ROBO1: variants seen among roughly 807,000 people sequenced by gnomAD.
ROBO1 encodes roundabout guidance receptor 1, also known as roundabout homolog 1.
ROBO1 carries 149 observed loss-of-function variants against 195.9 expected under a neutral mutation model. The ratio of observed to expected loss-of-function variants is 0.76; its 90% CI spans 0.67 to 0.87. The LOEUF (loss-of-function observed/expected upper bound fraction) is 0.87, where lower values mean the gene tolerates loss of function less well. Ranked by LOEUF, ROBO1 falls within the 40% of genes least tolerant of loss-of-function variation. ROBO1 has a pLI of 0.00. For synonymous variants in ROBO1, 816 were observed against 733.2 expected (o/e 1.11, Z -1.82); for missense variants, 1,933 against 2,068.3 (o/e 0.93, Z 1.27).
chr3:78,699,851 C>G (rs892887197), intron 8 of ROBO1, among the ~76,000 whole-genome samples: 6 of 151,916 alleles, frequency 3.9e-5, no homozygotes, highest in African/African-American at 1.5e-4. Flanking sequence ...GAATCTTCCC[C>G]TTTCACCCAT....
At chr3:79,625,211 G>C (rs895256731) in intron 1 of ROBO1, among the ~76,000 whole-genome samples, 2 of 151,624 alleles carry the variant, frequency 1.3e-5, no homozygotes, top group African/African-American at 4.8e-5. Flanking sequence ...TATTAAGGGT[G>C]AAATTTATAG....
chr3:78,676,499 A>G lies in ROBO1; in HGVS notation c.1343-6198T>C, dbSNP rs182570034. 3.7e-3 allele frequency among the ~76,000 whole-genome samples: 559 copies of G among 152,368 alleles called. 3 individuals are homozygous for G. Among genetic ancestry groups the G allele is most frequent in the Non-Finnish European group, 5.3e-3 (361 of 68,044 alleles). ...GCCTAAAGGAGCTGATGGAGCTGAA[A>G]GCCAAAGCTCGAGAACTACGTGAAG... On this transcript the variant is annotated intron_variant, in intron 10 of 30. Coordinates refer to ENST00000464233, the MANE Select transcript of ROBO1 (RefSeq NM_002941.4).
intron 4 of ROBO1, among the ~76,000 whole-genome samples, chr3:78,754,381 G>A (rs1405478271): frequency 1.3e-5 from 2 of 152,126 alleles, no homozygotes; most frequent in Non-Finnish European, 2.9e-5. Context: ...TCTGAGCTAC[G>A]GGACCCTGAT....
At chr3:78,768,800 C>A (rs868177736) in intron 4 of ROBO1, among the ~76,000 whole-genome samples, 1 of 108,062 alleles carries the variant, frequency 9.3e-6, no homozygotes, top group Non-Finnish European at 1.8e-5. Context: ...CCAATGCTAT[C>A]CCTCCCCCCT....
intron 2 of ROBO1, among the ~76,000 whole-genome samples, chr3:79,279,592 A>T (rs932105552): frequency 1.3e-5 from 2 of 152,196 alleles, no homozygotes; most frequent in African/African-American, 4.8e-5. Flanking sequence ...TGATCCAGCA[A>T]TCACATTACT....
At chr3:79,216,127 T>C (rs2082051769) in intron 2 of ROBO1, among the ~76,000 whole-genome samples, 1 of 152,134 alleles carries the variant, frequency 6.6e-6, no homozygotes, top group African/African-American at 2.4e-5. Flanking sequence ...AAATAAGCAA[T>C]GGTTTTGGCA....
In ROBO1 at chr3:78,787,835, C is replaced by T. The variant is rs575146230; in HGVS notation, c.500-40935G>A. 6.5e-4 allele frequency among the ~76,000 whole-genome samples: 99 copies of T among 151,152 alleles called. No individual in the cohort carries two copies. The Middle Eastern group carries it at 0.01, about 16-fold the overall frequency. ...TGTTGTGAGCCTGTAAACCCAGCTACACAAGTGAGAGGATCACTTGAGCAG... is the reference window on the plus strand; with the variant it reads ...TGTTGTGAGCCTGTAAACCCAGCTATACAAGTGAGAGGATCACTTGAGCAG... On this transcript the variant is annotated intron_variant, in intron 4 of 30. Coordinates refer to ENST00000464233, the MANE Select transcript of ROBO1 (RefSeq NM_002941.4).
At chr3:79,275,791 T>C (rs2030982510) in intron 2 of ROBO1, among the ~76,000 whole-genome samples, 1 of 151,864 alleles carries the variant, frequency 6.6e-6, no homozygotes, top group South Asian at 2.1e-4. Context: ...AATTGCAGGA[T>C]ACGATATCAA....
chr3:79,369,289 T>A (rs2036099050), intron 2 of ROBO1, among the ~76,000 whole-genome samples: 1 of 152,122 alleles, frequency 6.6e-6, no homozygotes, highest in Non-Finnish European at 1.5e-5. Flanking sequence ...CACATAGAAA[T>A]CTAAATCCCT....
At chr3:79,562,208 C>A (rs935999521) in intron 2 of ROBO1, among the ~76,000 whole-genome samples, 2 of 144,624 alleles carry the variant, frequency 1.4e-5, no homozygotes, top group Non-Finnish European at 1.5e-5. Flanking sequence ...GTAAAGATAT[C>A]ACTTAACACT....
intron 3 of ROBO1, among the ~76,000 whole-genome samples, chr3:78,998,997 G>A (rs916827836): frequency 6.6e-6 from 1 of 151,962 alleles, no homozygotes; most frequent in African/African-American, 2.4e-5. Context: ...TCAGAGAAAT[G>A]CAAATCAAAA....
intron 3 of ROBO1, among the ~76,000 whole-genome samples, chr3:79,064,424 A>G (rs1252979414): frequency 6.6e-6 from 1 of 151,858 alleles, no homozygotes; most frequent in Non-Finnish European, 1.5e-5. Flanking sequence ...ATAAACCCCA[A>G]TGCTTATAAC....
At chr3:79,635,182 C>T (rs899526094) in intron 1 of ROBO1, among the ~76,000 whole-genome samples, 1 of 152,168 alleles carries the variant, frequency 6.6e-6, no homozygotes, top group Non-Finnish European at 1.5e-5. Flanking sequence ...GTTTTACCAT[C>T]GCCTTTTCAT....
chr3:79,239,619 C>G (rs551642397), intron 2 of ROBO1, among the ~76,000 whole-genome samples: 2 of 152,304 alleles, frequency 1.3e-5, no homozygotes, highest in African/African-American at 4.8e-5. Flanking sequence ...GACTAACCAT[C>G]TATCTGATGG....
At chr3:79,530,984 T>G (rs181451881) in intron 2 of ROBO1, among the ~76,000 whole-genome samples, 80 of 152,202 alleles carry the variant, frequency 5.3e-4, no homozygotes, top group Non-Finnish European at 1.0e-3. Context: ...CTGTGTGTGT[T>G]TCTTCCTTTG....
intron 5 of ROBO1, among the ~76,000 whole-genome samples, chr3:78,740,535 G>C (rs539185094): frequency 2.0e-5 from 3 of 149,000 alleles, no homozygotes; most frequent in Non-Finnish European, 3.0e-5. Flanking sequence ...GCAATGGCGC[G>C]ACCTCGGCTC....
chr3:79,113,194 G>A (rs1018551520), intron 3 of ROBO1, among the ~76,000 whole-genome samples: 3 of 152,118 alleles, frequency 2.0e-5, no homozygotes, highest in African/African-American at 7.2e-5. Flanking sequence ...AGAAACACAG[G>A]CTAGTTGATA....
At chr3:79,760,893 C>A (rs1704663611) in intron 1 of ROBO1, among the ~76,000 whole-genome samples, 4 of 151,520 alleles carry the variant, frequency 2.6e-5, no homozygotes, top group African/African-American at 9.7e-5. Context: ...CATTACACGT[C>A]ATCAGCAATT....
chr3:79,604,727 C>T (rs1393984219), intron 1 of ROBO1, among the ~76,000 whole-genome samples: 1 of 151,932 alleles, frequency 6.6e-6, no homozygotes, highest in Non-Finnish European at 1.5e-5. Context: ...AAATGTATTA[C>T]TTAGCCAATT....
Sources: allele counts gnomAD v4.1 joint callset (sites outside exome capture counted in the v4.1 genomes callset), GRCh38; gene constraint gnomAD v4.1.1; transcripts MANE v1.5; gene names NCBI Gene and HGNC (gene_info 2026-07-23, HGNC 2026-07-21).